Variants in WWOX observed in about 807,000 individuals in gnomAD.
WWOX encodes WW domain containing oxidoreductase, also known as WW domain-containing oxidoreductase.
A neutral mutation model predicts 46.2 loss-of-function variants in WWOX; 69 were observed. The observed-to-expected ratio is 1.49, with a 90% CI of 1.23 to 1.82. The LOEUF is 1.82. WWOX is among the 40% of genes most tolerant of loss of function. The pLI, the probability that WWOX is intolerant of heterozygous loss-of-function variation, is 0.00. For synonymous variants in WWOX, 359 were observed against 202.6 expected, an observed-to-expected ratio of 1.77 and a Z score of -6.56; for missense variants, 919 against 542.6, an observed-to-expected ratio of 1.69 and a Z score of -6.89.
Position 78,527,991 on chromosome 16 carries a change from C to CTTTTTTTTTTTTTTTTTTTTT in WWOX, c.1056+95244_1056+95264dup, listed in dbSNP as rs71140808. Among the ~76,000 whole-genome samples, 100 of 34,870 alleles carry CTTTTTTTTTTTTTTTTTTTTT rather than the reference C, an allele frequency of 2.9e-3. 18 individuals are homozygous for CTTTTTTTTTTTTTTTTTTTTT. Among genetic ancestry groups the CTTTTTTTTTTTTTTTTTTTTT allele is most frequent in the Middle Eastern group, 0.028 (1 of 36 alleles). 22.9% of individuals were successfully genotyped at this position (34,870 alleles called of 152,430 possible). ...CTATGTCACAGGACTGGTACATGTC[C>CTTTTTTTTTTTTTTTTTTTTT]TTTTTTTTTTTTTTTTTTTTTTTTT... On this transcript the variant is annotated intron_variant, in intron 8 of 8. Coordinates refer to ENST00000566780, the MANE Select transcript of WWOX (RefSeq NM_016373.4).
intron 8 of WWOX, among the ~76,000 whole-genome samples, chr16:78,622,046 C>A (rs1016447930): frequency 5.9e-5 from 9 of 152,162 alleles, no homozygotes; most frequent in African/African-American, 2.2e-4. Flanking sequence ...CAGTTGTTAG[C>A]TGCTGAAGTT....
intron 8 of WWOX, among the ~76,000 whole-genome samples, chr16:78,446,378 G>A (rs554361054): frequency 6.6e-6 from 1 of 152,102 alleles, no homozygotes; most frequent in East Asian, 1.9e-4. Flanking sequence ...GAAGTCTCAG[G>A]TCCTTGTCTG....
chr16:78,386,505 G>A (rs573172367), intron 5 of WWOX, among the ~76,000 whole-genome samples: 32 of 152,038 alleles, frequency 2.1e-4, no homozygotes, highest in Non-Finnish European at 4.3e-4. Flanking sequence ...TTCCATGATC[G>A]AGGCGTTGTC....
intron 8 of WWOX, chr16:78,899,064 T>A (rs909301337): frequency 1.3e-5 from 2 of 152,094 alleles, no homozygotes; most frequent in African/African-American, 4.8e-5. Flanking sequence ...CTTCTCCAAT[T>A]TTTATGGCTT....
intron 8 of WWOX, among the ~76,000 whole-genome samples, chr16:78,782,147 C>G (rs1342587083): frequency 6.6e-6 from 1 of 152,122 alleles, no homozygotes; most frequent in East Asian, 1.9e-4. Flanking sequence ...TAATTTCCCC[C>G]TCCAGCCTTC....
chr16:79,023,474 G>A (rs957254009), intron 8 of WWOX, among the ~76,000 whole-genome samples: 2 of 152,138 alleles, frequency 1.3e-5, no homozygotes, highest in African/African-American at 4.8e-5. Context: ...AAAGTGTTCA[G>A]GTTACATCCA....
At chr16:78,499,495 C>T (rs373935786) in intron 8 of WWOX, among the ~76,000 whole-genome samples, 1 of 152,344 alleles carries the variant, frequency 6.6e-6, no homozygotes, top group Non-Finnish European at 1.5e-5. Context: ...ATTTTCCGTT[C>T]TTTGGCAACT....
Position 78,099,754 on chromosome 16 carries a change from G to T in WWOX, c.-25G>T. On this transcript the variant is annotated 5_prime_UTR_variant, in exon 1 of 9. Coordinates refer to ENST00000566780, the MANE Select transcript of WWOX (RefSeq NM_016373.4). ...GTGGACCCGGCAGCGGGCGATAGGG[G>T]GGCCAGGTGCCTCCACAGTCAGCCA... 1 of 1,524,846 alleles carries T rather than the reference G, an allele frequency of 6.6e-7. No individual in the cohort carries two copies. Among genetic ancestry groups the T allele is most frequent in the Non-Finnish European group, 8.8e-7 (1 of 1,136,504 alleles). The allele number at this position is 1,524,846 out of a possible 1,614,324, so 94.5% of individuals were successfully genotyped here.
intron 8 of WWOX, among the ~76,000 whole-genome samples, chr16:78,628,086 G>A (rs1352684780): frequency 6.6e-6 from 1 of 152,194 alleles, no homozygotes; most frequent in Non-Finnish European, 1.5e-5. Context: ...TTTTCAAGGA[G>A]CAGTAGATAG....
chr16:79,063,525 T>G (rs1255307503), intron 8 of WWOX, among the ~76,000 whole-genome samples: 1 of 152,108 alleles, frequency 6.6e-6, no homozygotes, highest in Non-Finnish European at 1.5e-5. Flanking sequence ...AAGCCTGCAG[T>G]GTTTGGGCCC....
intron 8 of WWOX, among the ~76,000 whole-genome samples, chr16:79,062,752 C>T (rs762094865): frequency 6.6e-6 from 1 of 152,184 alleles, no homozygotes; most frequent in East Asian, 1.9e-4. Flanking sequence ...TTAACTCCTT[C>T]AGCCCCGGAA....
At position 79,095,862 on chromosome 16, in the gene WWOX, T is replaced by C. The variant is rs113480289; in HGVS notation, c.1057-115746T>C. 5.0e-3 allele frequency among the ~76,000 whole-genome samples: 407 copies of C among 81,122 alleles called. 2 individuals are homozygous for C. Among genetic ancestry groups the C allele is most frequent in the African/African-American group, 0.028 (355 of 12,730 alleles). 53.2% of individuals were successfully genotyped at this position (81,122 alleles called of 152,430 possible). ...TCACTGCTCAATTCTCTCTCTCTCT[T>C]TTTTTTTTTTTTTTTTTTTTAAGAC... On this transcript the variant is annotated intron_variant, in intron 8 of 8. Transcript: ENST00000566780.
At chr16:78,302,203 T>C (rs2080053889) in intron 5 of WWOX, among the ~76,000 whole-genome samples, 1 of 152,122 alleles carries the variant, frequency 6.6e-6, no homozygotes, top group Non-Finnish European at 1.5e-5. Context: ...TCAGGTGATC[T>C]GCCTGCCTTG....
intron 8 of WWOX, among the ~76,000 whole-genome samples, chr16:78,691,773 T>G (rs185532126): frequency 1.3e-5 from 2 of 152,298 alleles, no homozygotes; most frequent in East Asian, 3.9e-4. Context: ...AGGAGAGAGT[T>G]ACTATTAGCT....
intron 5 of WWOX, among the ~76,000 whole-genome samples, chr16:78,245,930 C>T (rs980797642): frequency 3.3e-5 from 5 of 152,164 alleles, no homozygotes; most frequent in African/African-American, 1.2e-4. Context: ...AATTCTAACC[C>T]TCTTGCCACC....
chr16:78,255,459 A>G (rs1045261111), intron 5 of WWOX, among the ~76,000 whole-genome samples: 42 of 152,256 alleles, frequency 2.8e-4, no homozygotes, highest in African/African-American at 9.9e-4. Context: ...TTTGTTGCTT[A>G]AGCAGAGGAG....
intron 5 of WWOX, among the ~76,000 whole-genome samples, chr16:78,327,382 G>C (rs1055038733): frequency 6.6e-6 from 1 of 152,100 alleles, no homozygotes; most frequent in South Asian, 2.1e-4. Flanking sequence ...TACCTCCCCA[G>C]TTATGAATCT....
chr16:78,521,694 T>A (rs2043351342), intron 8 of WWOX, among the ~76,000 whole-genome samples: 1 of 152,222 alleles, frequency 6.6e-6, no homozygotes, highest in South Asian at 2.1e-4. Context: ...GATGGTTACC[T>A]TTCTAAGTGT....
intron 8 of WWOX, among the ~76,000 whole-genome samples, chr16:78,669,646 T>C (rs926775153): frequency 1.4e-4 from 22 of 152,194 alleles, no homozygotes; most frequent in Non-Finnish European, 1.8e-4. Flanking sequence ...CCAACACAAA[T>C]ACGTCACTTG....
Sources: gnomAD v4.1 joint callset for allele counts (sites outside exome capture counted in the v4.1 genomes callset) on GRCh38, gnomAD v4.1.1 for gene constraint, MANE v1.5 for transcripts, NCBI Gene and HGNC (gene_info 2026-07-23, HGNC 2026-07-21) for gene names.